Variants in LPP observed in about 807,000 individuals in gnomAD.
LPP encodes LIM domain containing preferred translocation partner in lipoma.
In LPP, 38 loss-of-function variants were observed where a neutral mutation model predicts 60.4. The observed-to-expected ratio is 0.63, with a 90% CI of 0.49 to 0.83. The LOEUF is 0.83. LPP is among the 40% of genes least tolerant of loss of function. The pLI is 0.00. For missense variants in LPP, 902 were observed against 783.6 expected, an observed-to-expected ratio of 1.15 and a Z score of -1.80; for synonymous variants, 328 against 290.8, an observed-to-expected ratio of 1.13 and a Z score of -1.30.
At chr3:188,518,691 C>T (rs1818061911) in intron 5 of LPP, among the ~76,000 whole-genome samples, 1 of 152,194 alleles carries the variant, frequency 6.6e-6, no homozygotes, top group African/African-American at 2.4e-5. Context: ...CTCAGAGATT[C>T]TGAAGGTTGT....
chr3:188,340,279 A>C (rs912013288), intron 2 of LPP, among the ~76,000 whole-genome samples: 2 of 152,182 alleles, frequency 1.3e-5, no homozygotes, highest in African/African-American at 4.8e-5. Flanking sequence ...GGTTTGAGAC[A>C]TAATGGTCAT....
intron 7 of LPP, among the ~76,000 whole-genome samples, chr3:188,633,188 G>C (rs1178033172): frequency 6.6e-6 from 1 of 152,148 alleles, no homozygotes; most frequent in African/African-American, 2.4e-5. Context: ...CTTGAGAACA[G>C]GGAACTGTGT....
intron 5 of LPP, among the ~76,000 whole-genome samples, chr3:188,509,171 T>C (rs917587057): frequency 6.6e-6 from 1 of 152,192 alleles, no homozygotes; most frequent in African/African-American, 2.4e-5. Flanking sequence ...CAAATTCTCT[T>C]ATAACACACC....
intron 2 of LPP, among the ~76,000 whole-genome samples, chr3:188,236,030 A>T (rs1370690470): frequency 6.6e-6 from 1 of 152,130 alleles, no homozygotes; most frequent in Non-Finnish European, 1.5e-5. Flanking sequence ...GCGTTTACTG[A>T]ACACCTACTA....
chr3:188,766,016 G>A (rs1030635745), intron 9 of LPP, among the ~76,000 whole-genome samples: 4 of 151,358 alleles, frequency 2.6e-5, no homozygotes, highest in African/African-American at 9.7e-5. Flanking sequence ...GATTACAGGC[G>A]CCCACCACCA....
chr3:188,179,915 A>C (rs1212339308), intron 1 of LPP: 1 of 201,266 alleles, frequency 5.0e-6, no homozygotes, highest in African/African-American at 2.4e-5. Context: ...CTTGTGAAGC[A>C]ACATAGGGGG....
At chr3:188,265,021 A>G (rs1203438315) in intron 2 of LPP, among the ~76,000 whole-genome samples, 1 of 152,084 alleles carries the variant, frequency 6.6e-6, no homozygotes, top group East Asian at 1.9e-4. Flanking sequence ...ACCCTTCTTC[A>G]TTTAGTTCCC....
Position 188,438,958 on chromosome 3 carries a change from G to A in LPP, c.193+32645G>A, listed in dbSNP as rs961082267. On this transcript the variant is annotated intron_variant, in intron 4 of 11. Coordinates refer to ENST00000617246, the MANE Select transcript of LPP (RefSeq NM_001375462.1). The stretch of plus-strand genomic sequence containing the variant: ...GTCTATTTCTTGGAGGTCTAATCAT[G>A]TTTTCAAAACTTTGGCTCAACTGTA... 5.9e-5 allele frequency among the ~76,000 whole-genome samples: 9 copies of A among 152,196 alleles called. No individual in the cohort carries two copies. In the East Asian group the frequency reaches 1.7e-3, roughly 29 times the overall value.
intron 9 of LPP, among the ~76,000 whole-genome samples, chr3:188,778,754 A>G (rs1004891586): frequency 1.1e-4 from 17 of 152,200 alleles, no homozygotes; most frequent in African/African-American, 3.9e-4. Flanking sequence ...CACCAAAGCC[A>G]GGAACCCTGC....
chr3:188,848,991 C>T (rs575684680), intron 9 of LPP, among the ~76,000 whole-genome samples: 4 of 151,920 alleles, frequency 2.6e-5, no homozygotes, highest in South Asian at 2.1e-4. Context: ...AAATAGGTTC[C>T]GGGTGTTGCA....
chr3:188,411,074 G>T (rs1257115865), intron 4 of LPP, among the ~76,000 whole-genome samples: 1 of 151,852 alleles, frequency 6.6e-6, no homozygotes, highest in Non-Finnish European at 1.5e-5. Flanking sequence ...CCTTTTTATG[G>T]CTGAGTAGTA....
chr3:188,789,520 T>C (rs929860535), intron 9 of LPP, among the ~76,000 whole-genome samples: 2 of 152,236 alleles, frequency 1.3e-5, no homozygotes, highest in Non-Finnish European at 2.9e-5. Context: ...ATGCATGTAC[T>C]ATGATTCAAA....
intron 9 of LPP, among the ~76,000 whole-genome samples, chr3:188,812,811 A>ATG (rs1162645185): frequency 4.7e-5 from 7 of 150,212 alleles, no homozygotes; most frequent in African/African-American, 1.2e-4. Flanking sequence ...AGCTTTCTGT[A>ATG]TGTGTGTGTG....
At chr3:188,849,953 G>T (rs1762345837) in intron 9 of LPP, among the ~76,000 whole-genome samples, 1 of 152,166 alleles carries the variant, frequency 6.6e-6, no homozygotes, top group Non-Finnish European at 1.5e-5. Context: ...ATCCATAGCG[G>T]ACATGTCTAG....
intron 2 of LPP, among the ~76,000 whole-genome samples, chr3:188,327,996 G>A (rs1228568113): frequency 6.6e-6 from 1 of 152,020 alleles, no homozygotes; most frequent in South Asian, 2.1e-4. Flanking sequence ...AGTGGGAGCT[G>A]GATTCTGCAT....
intron 9 of LPP, among the ~76,000 whole-genome samples, chr3:188,830,615 A>C (rs112588750): frequency 8.5e-4 from 130 of 152,126 alleles, no homozygotes; most frequent in African/African-American, 2.7e-3. Context: ...AAAAAACAAA[A>C]AAAAAAATGC....
intron 2 of LPP, among the ~76,000 whole-genome samples, chr3:188,341,014 A>G (rs1462210111): frequency 1.3e-5 from 2 of 152,218 alleles, no homozygotes; most frequent in Non-Finnish European, 2.9e-5. Context: ...CTTCACATAC[A>G]TATGAAGAAA....
At chr3:188,694,256 G>A (rs1261236039) in intron 7 of LPP, among the ~76,000 whole-genome samples, 4 of 152,094 alleles carry the variant, frequency 2.6e-5, no homozygotes, top group Non-Finnish European at 5.9e-5. Flanking sequence ...TTATTTACCT[G>A]TTTTTCCCTT....
Position 188,880,639 on chromosome 3 carries a change from C to G in LPP, c.*6160C>G, listed in dbSNP as rs190189896. ...CATCCACTTAAGGGCCAGAGAAATCCTTATTCATTTAACTCTGGTGGGCAT... is the reference window on the plus strand; with the variant it reads ...CATCCACTTAAGGGCCAGAGAAATCGTTATTCATTTAACTCTGGTGGGCAT... On this transcript the variant is annotated 3_prime_UTR_variant, in exon 12 of 12. Transcript: ENST00000617246. 3 of 187,968 alleles carry G rather than the reference C, an allele frequency of 1.6e-5. No individual in the cohort carries two copies. The highest frequency in any genetic ancestry group is 7.0e-5 in the African/African-American group (3 of 42,874). The allele number at this position is 187,968 out of a possible 1,614,324, so 11.6% of individuals were successfully genotyped here. A position where few individuals can be genotyped will look rare whatever the true frequency, so the allele number is the denominator to read the frequency against.
Sources: gnomAD v4.1 joint callset for allele counts (sites outside exome capture counted in the v4.1 genomes callset) on GRCh38, gnomAD v4.1.1 for gene constraint, MANE v1.5 for transcripts, NCBI Gene and HGNC (gene_info 2026-07-23, HGNC 2026-07-21) for gene names.